QTMAN: variants seen among roughly 807,000 people sequenced by gnomAD.
QTMAN encodes tRNA-queuosine alpha-mannosyltransferase.
the QTMAN span, among the ~76,000 whole-genome samples, chr2:144,034,758 C>T: frequency 6.6e-6 from 1 of 152,164 alleles, no homozygotes; most frequent in African/African-American, 2.4e-5. Context: ...ATTTCTCCAT[C>T]TCCTTCAAAT....
chr2:144,003,045 T>A, the QTMAN span, among the ~76,000 whole-genome samples: 5 of 151,990 alleles, frequency 3.3e-5, no homozygotes, highest in Non-Finnish European at 7.4e-5. Flanking sequence ...ATAGTTAATT[T>A]TCATAAAAAT....
chr2:144,007,509 T>C, the QTMAN span: 114 of 1,594,482 alleles, frequency 7.1e-5, no homozygotes, highest in African/African-American at 1.4e-3. Flanking sequence ...CTTCTTTAAA[T>C]GGGTTGTTTT....
chr2:144,014,541 C>T, the QTMAN span, among the ~76,000 whole-genome samples: 1 of 151,846 alleles, frequency 6.6e-6, no homozygotes, highest in Non-Finnish European at 1.5e-5. Context: ...ACAAGCAAAC[C>T]CTACTTATTG....
At chr2:144,117,323 AATC>A in the QTMAN span, among the ~76,000 whole-genome samples, 189 of 152,316 alleles carry the variant, frequency 1.2e-3, no homozygotes, top group Non-Finnish European at 2.4e-3. Context: ...CACCAAGTGA[AATC>A]ATCAATACCT....
chr2:143,960,159 T>G, the QTMAN span, among the ~76,000 whole-genome samples: 2 of 152,124 alleles, frequency 1.3e-5, no homozygotes, highest in African/African-American at 2.4e-5. Context: ...TTGGGTCATA[T>G]CAGGTTGTGT....
At chr2:144,086,162 G>A in the QTMAN span, among the ~76,000 whole-genome samples, 1 of 152,148 alleles carries the variant, frequency 6.6e-6, no homozygotes, top group South Asian at 2.1e-4. Flanking sequence ...AGGTTAAAGA[G>A]CTCCTAGTTC....
the QTMAN span, among the ~76,000 whole-genome samples, chr2:143,999,383 G>A: frequency 6.6e-6 from 1 of 151,556 alleles, no homozygotes; most frequent in African/African-American, 2.4e-5. Context: ...GGAAAGGCAG[G>A]TAACACCACA....
chr2:144,052,745 G>A, the QTMAN span, among the ~76,000 whole-genome samples: 2 of 152,148 alleles, frequency 1.3e-5, no homozygotes, highest in Non-Finnish European at 2.9e-5. Context: ...TCTGCCTCCT[G>A]GGTTCAAGCG....
chr2:144,243,013 G>C, the QTMAN span, among the ~76,000 whole-genome samples: 3 of 141,052 alleles, frequency 2.1e-5, no homozygotes, highest in Admixed American at 2.1e-4. Context: ...TACCGTACTA[G>C]CATCATAATC....
chr2:144,154,133 G>A, the QTMAN span, among the ~76,000 whole-genome samples: 3 of 152,094 alleles, frequency 2.0e-5, no homozygotes, highest in Non-Finnish European at 2.9e-5. Flanking sequence ...GAATATAAGT[G>A]GTACAAAGAA....
the QTMAN span, among the ~76,000 whole-genome samples, chr2:144,104,058 C>G: frequency 6.6e-6 from 1 of 152,110 alleles, no homozygotes; most frequent in African/African-American, 2.4e-5. Context: ...CCACTGCACT[C>G]CAGTCTGGGC....
the QTMAN span, chr2:144,011,640 T>TAAA: frequency 0.02 from 17,790 of 881,006 alleles, 235 homozygotes; most frequent in African/African-American, 0.087. Flanking sequence ...TCTATGCTAG[T>TAAA]AAAAAAAAAA....
chr2:144,082,201 T>C, the QTMAN span, among the ~76,000 whole-genome samples: 20 of 152,258 alleles, frequency 1.3e-4, no homozygotes, highest in African/African-American at 4.6e-4. Context: ...CAGCCAAAGA[T>C]GGATTTTTAA....
chr2:144,143,381 T>G, the QTMAN span, among the ~76,000 whole-genome samples: 1 of 151,952 alleles, frequency 6.6e-6, no homozygotes, highest in Non-Finnish European at 1.5e-5. Context: ...AAGTAGAGCT[T>G]ATAGAATAGG....
At chr2:144,193,397 T>C in the QTMAN span, among the ~76,000 whole-genome samples, 1 of 148,722 alleles carries the variant, frequency 6.7e-6, no homozygotes, top group Non-Finnish European at 1.5e-5. Context: ...ACACCTATTA[T>C]ATATACATTA....
chr2:144,176,649 A>G, the QTMAN span, among the ~76,000 whole-genome samples: 44 of 152,186 alleles, frequency 2.9e-4, no homozygotes, highest in Admixed American at 1.2e-3. Context: ...AGTGCACACA[A>G]TTAATATGTT....
the QTMAN span, among the ~76,000 whole-genome samples, chr2:144,057,255 T>C: frequency 1.3e-5 from 2 of 152,202 alleles, no homozygotes; most frequent in East Asian, 1.9e-4. Flanking sequence ...TTTTAATACA[T>C]TGGAAAACTT....
the QTMAN span, among the ~76,000 whole-genome samples, chr2:144,190,621 C>T: frequency 6.6e-6 from 1 of 152,094 alleles, no homozygotes; most frequent in Admixed American, 6.5e-5. Context: ...TGGGATTATA[C>T]AATAAGTCTC....
At chr2:144,324,465 T>C in the QTMAN span, among the ~76,000 whole-genome samples, 1 of 152,140 alleles carries the variant, frequency 6.6e-6, no homozygotes, top group Non-Finnish European at 1.5e-5. Flanking sequence ...CCCCATCAGA[T>C]AGGAGAAAAC....
Sources: gnomAD v4.1 joint callset for allele counts (sites outside exome capture counted in the v4.1 genomes callset) on GRCh38, gnomAD v4.1.1 for gene constraint, MANE v1.5 for transcripts, NCBI Gene and HGNC (gene_info 2026-07-23, HGNC 2026-07-21) for gene names.